Variants in PLPPR1 observed in about 807,000 individuals in gnomAD.
PLPPR1 encodes phospholipid phosphatase related 1.
PLPPR1 carries 10 observed loss-of-function variants against 33.1 expected under a neutral mutation model. That is an observed-to-expected ratio of 0.30 (90% confidence interval 0.19 to 0.51). PLPPR1 has a LOEUF of 0.51. PLPPR1 is among the 20% of genes least tolerant of loss of function. PLPPR1 has a pLI of 0.97. For missense variants in PLPPR1, 304 were observed against 408.1 expected, an observed-to-expected ratio of 0.74 and a Z score of 2.20; for synonymous variants, 151 against 151.0, an observed-to-expected ratio of 1.00 and a Z score of 0.00.
intron 7 of PLPPR1, among the ~76,000 whole-genome samples, chr9:101,321,635 T>G (rs1331707432): frequency 6.6e-6 from 1 of 151,920 alleles, no homozygotes; most frequent in Non-Finnish European, 1.5e-5. Context: ...TCCACACAGT[T>G]TCTAATAACA....
chr9:101,296,429 T>C (rs376950348), intron 4 of PLPPR1, among the ~76,000 whole-genome samples: 4,996 of 148,174 alleles, frequency 0.034, 287 homozygotes, highest in African/African-American at 0.12. Flanking sequence ...TACCATTTGA[T>C]CCAGCCATCC....
chr9:101,276,682 A>C (rs1828202971), intron 3 of PLPPR1, among the ~76,000 whole-genome samples: 2 of 152,230 alleles, frequency 1.3e-5, no homozygotes, highest in Admixed American at 1.3e-4. Context: ...AGATAAAAAG[A>C]TATAAGAGAA....
intron 2 of PLPPR1, among the ~76,000 whole-genome samples, chr9:101,203,393 G>C (rs558456802): frequency 6.6e-6 from 1 of 152,156 alleles, no homozygotes; most frequent in African/African-American, 2.4e-5. Flanking sequence ...TTTGGAAACA[G>C]TGCTGGGCCA....
chr9:101,161,744 C>CA (rs138701618), intron 1 of PLPPR1, among the ~76,000 whole-genome samples: 4,037 of 151,966 alleles, frequency 0.027, 168 homozygotes, highest in African/African-American at 0.087. Flanking sequence ...ATTTGTCTCT[C>CA]AAAAAAAGTA....
At chr9:101,279,485 A>T (rs538923183) in intron 3 of PLPPR1, among the ~76,000 whole-genome samples, 23 of 152,348 alleles carry the variant, frequency 1.5e-4, no homozygotes, top group African/African-American at 5.5e-4. Context: ...AATGGACTTG[A>T]TATTTATAAA....
At chr9:101,208,564 A>G (rs1343279100) in intron 2 of PLPPR1, among the ~76,000 whole-genome samples, 4 of 152,206 alleles carry the variant, frequency 2.6e-5, no homozygotes, top group Non-Finnish European at 5.9e-5. Flanking sequence ...TCTACTGGAA[A>G]ATTTGCTTAG....
At chr9:101,055,824 T>C (rs886441024) in intron 1 of PLPPR1, among the ~76,000 whole-genome samples, 1 of 152,216 alleles carries the variant, frequency 6.6e-6, no homozygotes, top group African/African-American at 2.4e-5. Context: ...TAGCCGTAGA[T>C]GTTTTGAGGA....
chr9:101,129,482 C>T lies in PLPPR1; in HGVS notation c.-45-55968C>T, dbSNP rs1246618608. ...AACTACCCAAAAACCTATCCACTTA[C>T]AGGTGAATGGATAAGCAATTCTGGT... On this transcript the variant is annotated intron_variant, in intron 1 of 7. Coordinates refer to ENST00000374874, the MANE Select transcript of PLPPR1 (RefSeq NM_207299.2). Among the ~76,000 whole-genome samples, 6 of 152,118 alleles carry T rather than the reference C, an allele frequency of 3.9e-5. No homozygotes were observed. The South Asian group carries it at 6.2e-4, about 16-fold the overall frequency.
chr9:101,038,883 A>G (rs1007856334), intron 1 of PLPPR1, among the ~76,000 whole-genome samples: 10 of 152,240 alleles, frequency 6.6e-5, no homozygotes, highest in African/African-American at 2.4e-4. Context: ...TCACAATAGA[A>G]TAACACTTCG....
rs1207676772 is a variant in PLPPR1 at position 101,153,501 on chromosome 9, C to T, written c.-45-31949C>T. Among the ~76,000 whole-genome samples the T allele has an allele frequency of 2.6e-5, 4 of 152,238 alleles. No homozygotes were observed. In the East Asian group the frequency reaches 7.7e-4, roughly 29 times the overall value. On this transcript the variant is annotated intron_variant, in intron 1 of 7. Transcript: ENST00000374874. ...TCAAAGGGAATGCTTCCAGTTTTTG[C>T]CCATTCAGTATGATATTGGCTGTGG...
intron 2 of PLPPR1, chr9:101,187,733 G>A (rs1826227893): frequency 6.6e-6 from 1 of 151,714 alleles, no homozygotes. Flanking sequence ...TCTTTTCACT[G>A]TTTTTTTAAT....
intron 1 of PLPPR1, among the ~76,000 whole-genome samples, chr9:101,030,580 T>C (rs1431245236): frequency 6.6e-6 from 1 of 151,868 alleles, no homozygotes. Flanking sequence ...GAAAGGCGGG[T>C]TGGGCAGACA....
chr9:101,240,500 C>T (rs147681869), intron 2 of PLPPR1, among the ~76,000 whole-genome samples: 76 of 150,814 alleles, frequency 5.0e-4, no homozygotes, highest in Middle Eastern at 3.4e-3. Flanking sequence ...GCACAGTCAT[C>T]TTAACAATAT....
At chr9:101,203,735 ATATC>A (rs1332412910) in intron 2 of PLPPR1, among the ~76,000 whole-genome samples, 1 of 151,638 alleles carries the variant, frequency 6.6e-6, no homozygotes, top group East Asian at 1.9e-4. Context: ...GATATGTTAT[ATATC>A]TATCTATATA....
At chr9:101,061,953 A>G (rs1234559278) in intron 1 of PLPPR1, among the ~76,000 whole-genome samples, 2 of 152,044 alleles carry the variant, frequency 1.3e-5, no homozygotes, top group African/African-American at 4.8e-5. Context: ...AGGAGAGATA[A>G]GAATTATCAT....
intron 1 of PLPPR1, among the ~76,000 whole-genome samples, chr9:101,160,315 A>G (rs1831756071): frequency 6.6e-6 from 1 of 152,208 alleles, no homozygotes; most frequent in South Asian, 2.1e-4. Context: ...CAGTAAAATG[A>G]GATGGTAATC....
Position 101,309,371 on chromosome 9 carries a change from T to C in PLPPR1, c.546T>C (p.Cys182=), listed in dbSNP as rs139319180. Residue 182 remains cysteine, a synonymous_variant, in exon 5 of 8, where the codon TGT becomes TGC. Coordinates refer to ENST00000374874, the MANE Select transcript of PLPPR1 (RefSeq NM_207299.2). The part of the protein sequence containing the change: ...HHQFINNGNI[C]TGDLEVIEKA... ...AGTTTATAAACAATGGGAACATTTGTACTGGGGACCTGGAAGTGATAGAAA... is the reference window on the plus strand; with the variant it reads ...AGTTTATAAACAATGGGAACATTTGCACTGGGGACCTGGAAGTGATAGAAA... The C allele has an allele frequency of 1.0e-4, 166 of 1,614,162 alleles. 1 individual carries two copies. The South Asian group carries it at 1.3e-3, about 13-fold the overall frequency.
chr9:101,301,159 T>C (rs946673613), intron 4 of PLPPR1, among the ~76,000 whole-genome samples: 1 of 152,226 alleles, frequency 6.6e-6, no homozygotes, highest in African/African-American at 2.4e-5. Flanking sequence ...TCATGAGTAA[T>C]TACAATGACA....
intron 1 of PLPPR1, among the ~76,000 whole-genome samples, chr9:101,124,996 C>T (rs1831226651): frequency 6.6e-6 from 1 of 152,228 alleles, no homozygotes; most frequent in Non-Finnish European, 1.5e-5. Flanking sequence ...TTACCTCCCT[C>T]CCCTCCATTC....
Sources: gnomAD v4.1 joint callset for allele counts (sites outside exome capture counted in the v4.1 genomes callset) on GRCh38, gnomAD v4.1.1 for gene constraint, MANE v1.5 for transcripts, NCBI Gene and HGNC (gene_info 2026-07-23, HGNC 2026-07-21) for gene names.